Variants in PCDH11Y observed in about 807,000 individuals in gnomAD.
The protein encoded by PCDH11Y is protocadherin 11 Y-linked.
For missense variants in PCDH11Y, 12 were observed against 224.8 expected, an observed-to-expected ratio of 0.05 and a Z score of 6.05; for synonymous variants, 9 against 83.6, an observed-to-expected ratio of 0.11 and a Z score of 4.87.
At chrY:5,394,407 A>G (rs2053225142) in intron 2 of PCDH11Y, among the ~76,000 whole-genome samples, 1 of 35,321 alleles carries the variant, frequency 2.8e-5, no homozygotes. Context: ...ACTGAGCTTT[A>G]TCACTCTCCA....
intron 4 of PCDH11Y, among the ~76,000 whole-genome samples, chrY:5,621,468 G>C: frequency 2.8e-4 from 9 of 31,959 alleles, no homozygotes. Flanking sequence ...TGGCCATACC[G>C]TTCAAAGTAA....
At chrY:5,417,697 A>G (rs2124679148) in intron 2 of PCDH11Y, among the ~76,000 whole-genome samples, 1 of 32,856 alleles carries the variant, frequency 3.0e-5, no homozygotes, top group Admixed American at 2.8e-4. Flanking sequence ...CCAAATTCGA[A>G]CATTCAGTGG....
chrY:5,302,421 C>A (rs2053084322), intron 2 of PCDH11Y, among the ~76,000 whole-genome samples: 1 of 31,998 alleles, frequency 3.1e-5, no homozygotes, highest in East Asian at 8.3e-4. Context: ...TTCAGAAATA[C>A]CTTTATTTCC....
chrY:5,638,438 C>T (rs2124704799), intron 4 of PCDH11Y, among the ~76,000 whole-genome samples: 1 of 32,466 alleles, frequency 3.1e-5, no homozygotes, highest in Admixed American at 2.8e-4. Context: ...CACTCAAGCT[C>T]ACACAGTAGG....
At chrY:5,370,151 GT>G (rs2053185931) in intron 2 of PCDH11Y, among the ~76,000 whole-genome samples, 1 of 33,583 alleles carries the variant, frequency 3.0e-5, no homozygotes. Flanking sequence ...ATTAAAAAGG[GT>G]TGGGACTTTC....
At chrY:5,597,788 A>G (rs2053469079) in intron 4 of PCDH11Y, among the ~76,000 whole-genome samples, 1 of 32,275 alleles carries the variant, frequency 3.1e-5, no homozygotes, top group Non-Finnish European at 7.6e-5. Context: ...ACGCAAAGAC[A>G]TAAGAATGAT....
intron 2 of PCDH11Y, among the ~76,000 whole-genome samples, chrY:5,135,219 G>A (rs2052837708): frequency 6.1e-5 from 2 of 32,922 alleles, no homozygotes. Flanking sequence ...GGATTATGGG[G>A]TGAAGGAGGC....
chrY:5,172,269 C>A, intron 2 of PCDH11Y, among the ~76,000 whole-genome samples: 1 of 31,636 alleles, frequency 3.2e-5, no homozygotes, highest in Non-Finnish European at 7.7e-5. Context: ...ATCCAAGGAG[C>A]AGTATGGGGT....
At chrY:5,389,353 T>A (rs2124675752) in intron 2 of PCDH11Y, among the ~76,000 whole-genome samples, 5 of 33,704 alleles carry the variant, frequency 1.5e-4, no homozygotes, top group Non-Finnish European at 2.9e-4. Flanking sequence ...AAGGCAAGGT[T>A]TGAAGTAAAG....
intron 2 of PCDH11Y, among the ~76,000 whole-genome samples, chrY:5,160,280 C>T (rs2052873627): frequency 3.4e-5 from 1 of 29,826 alleles, no homozygotes. Context: ...TTAGCTGCAT[C>T]GATGTCATTA....
At chrY:5,466,935 C>T in intron 2 of PCDH11Y, among the ~76,000 whole-genome samples, 1 of 32,837 alleles carries the variant, frequency 3.0e-5, no homozygotes, top group Non-Finnish European at 7.6e-5. Context: ...TCTTTATCTG[C>T]CTTGGAATCT....
At chrY:5,667,615 A>C in intron 4 of PCDH11Y, among the ~76,000 whole-genome samples, 1 of 32,492 alleles carries the variant, frequency 3.1e-5, no homozygotes, top group Non-Finnish European at 7.5e-5. Context: ...GGCTGATCTC[A>C]GACTCCTGGG....
At chrY:5,706,138 T>C in intron 4 of PCDH11Y, among the ~76,000 whole-genome samples, 1 of 29,489 alleles carries the variant, frequency 3.4e-5, no homozygotes, top group African/African-American at 1.3e-4. Flanking sequence ...ATTGGGAAGC[T>C]GCTGAAAGTG....
intron 2 of PCDH11Y, among the ~76,000 whole-genome samples, chrY:5,148,797 A>G: frequency 6.2e-5 from 2 of 32,302 alleles, no homozygotes; most frequent in Non-Finnish European, 1.5e-4. Flanking sequence ...ATATCATGTA[A>G]TCTATTGACT....
intron 1 of PCDH11Y, among the ~76,000 whole-genome samples, chrY:5,002,102 T>A (rs1602833068): frequency 2.9e-5 from 1 of 34,078 alleles, no homozygotes; most frequent in African/African-American, 1.1e-4. Flanking sequence ...AAAATAAAAA[T>A]TTTTAAAGTG....
At chrY:5,286,007 A>G (rs2124661265) in intron 2 of PCDH11Y, among the ~76,000 whole-genome samples, 1 of 33,753 alleles carries the variant, frequency 3.0e-5, no homozygotes, top group South Asian at 6.6e-4. Flanking sequence ...GTATTGCCTC[A>G]ATTGTCTTCC....
chrY:5,601,694 T>C, intron 4 of PCDH11Y, among the ~76,000 whole-genome samples: 1 of 32,871 alleles, frequency 3.0e-5, no homozygotes, highest in South Asian at 6.7e-4. Context: ...GTATGTGTTA[T>C]TATATATTTA....
At chrY:5,043,322 G>C (rs2052619117) in intron 3 of PCDH11Y, among the ~76,000 whole-genome samples, 1 of 32,593 alleles carries the variant, frequency 3.1e-5, no homozygotes, top group African/African-American at 1.2e-4. Context: ...TAGCATGAAG[G>C]GTTGTTGAAT....
intron 4 of PCDH11Y, among the ~76,000 whole-genome samples, chrY:5,673,889 CA>C (rs2053551684): frequency 1.2e-3 from 37 of 30,535 alleles, no homozygotes; most frequent in Non-Finnish European, 1.8e-3. Context: ...TTAATGGCTA[CA>C]AAAAATAATT....
Sources: allele counts gnomAD v4.1 joint callset (sites outside exome capture counted in the v4.1 genomes callset), GRCh38; gene constraint gnomAD v4.1.1; transcripts MANE v1.5; gene names NCBI Gene and HGNC (gene_info 2026-07-23, HGNC 2026-07-21).